CLCNKA: variants seen among roughly 807,000 people sequenced by gnomAD.
CLCNKA encodes the protein chloride channel protein ClC-Ka.
CLCNKA carries 66 observed loss-of-function variants against 83.3 expected under a neutral mutation model. The observed-to-expected ratio is 0.79, with a 90% CI of 0.65 to 0.97. CLCNKA has a LOEUF of 0.97. CLCNKA is among the 50% of genes least tolerant of loss of function. CLCNKA has a pLI of 0.00. For synonymous variants in CLCNKA, 357 were observed against 370.4 expected (o/e 0.96, Z 0.42); for missense variants, 806 against 888.7 (o/e 0.91, Z 1.18).
Position 16,033,702 on chromosome 1 carries a change from A to G in CLCNKA, c.*44A>G, listed in dbSNP as rs1405370123. The G allele has an allele frequency of 6.3e-7, 1 of 1,598,324 alleles. No homozygotes were observed. The highest frequency in any genetic ancestry group is 2.2e-5 in the East Asian group (1 of 44,494). ...AACAGGGCACCCCAGCTGACCTGGTACTGAGGTTGGGCTGAGACCCTGCTT... is the reference window on the plus strand; with the variant it reads ...AACAGGGCACCCCAGCTGACCTGGTGCTGAGGTTGGGCTGAGACCCTGCTT... On this transcript the variant is annotated 3_prime_UTR_variant, in exon 20 of 20. Coordinates refer to ENST00000331433, the MANE Select transcript of CLCNKA (RefSeq NM_004070.4).
chr1:16,022,723 A>G lies in CLCNKA; in HGVS notation c.100+4A>G. 1 of 1,525,706 alleles carries G rather than the reference A, an allele frequency of 6.6e-7. No homozygotes were observed. 94.5% of individuals were successfully genotyped at this position (1,525,706 alleles called of 1,614,324 possible). ...CACATCCGCCGAGCCATCCAAGGTG[A>G]GAGCCAGGTCCTCTTCCCTACCCGC... On this transcript the variant is annotated splice_donor_region_variant and intron_variant, in intron 2 of 19. Coordinates refer to ENST00000331433, the MANE Select transcript of CLCNKA (RefSeq NM_004070.4).
chr1:16,025,913 C>A (rs1304454684), intron 4 of CLCNKA, among the ~76,000 whole-genome samples, 195 bp from the exon 5 acceptor site: 1 of 152,172 alleles, frequency 6.6e-6, no homozygotes, highest in Non-Finnish European at 1.5e-5. Flanking sequence ...CGCCACCATG[C>A]CCGGCTAATT....
Position 16,030,724 on chromosome 1 carries a change from C to A in CLCNKA, c.1622+50C>A, listed in dbSNP as rs769177622. The A allele has an allele frequency of 4.2e-5, 67 of 1,610,818 alleles. 1 individual carries two copies. The Middle Eastern group carries it at 1.0e-3, about 24-fold the overall frequency. ...ACTGAAGGGGGTCACAGTGTTTGGG[C>A]TTGGCTGGGGGTGGAGGGCACCTCC... On this transcript the variant is annotated intron_variant, in intron 15 of 19. Coordinates refer to ENST00000331433, the MANE Select transcript of CLCNKA (RefSeq NM_004070.4).
chr1:16,026,925 G>C, intron 7 of CLCNKA, 150 bp downstream of exon 7: 1 of 1,041,596 alleles, frequency 9.6e-7, no homozygotes, highest in South Asian at 1.5e-5. Context: ...GCCACCCCCC[G>C]GGGGCGGCGG....
rs1184510566 is a variant in CLCNKA, at chr1:16,029,727, G to A, written c.1228-4G>A. Reference sequence around the variant, plus strand: ...CCTCTGCCCTGGGCTCCCCCTTCCTGCAGTTCTGGATGCTGATTCTGGCCA... The same window carrying A: ...CCTCTGCCCTGGGCTCCCCCTTCCTACAGTTCTGGATGCTGATTCTGGCCA... On this transcript the variant is annotated splice_region_variant and splice_polypyrimidine_tract_variant and intron_variant, in intron 12 of 19. Transcript: ENST00000331433. 1.2e-6 allele frequency: 2 copies of A among 1,614,110 alleles called. No individual in the cohort carries two copies. Among genetic ancestry groups the A allele is most frequent in the Non-Finnish European group, 1.7e-6 (2 of 1,180,024 alleles).
Position 16,029,191 on chromosome 1 carries a change from C to T in CLCNKA, c.1119C>T (p.Asn373=), listed in dbSNP as rs1002169783. The T allele has an allele frequency of 1.2e-6, 2 of 1,613,190 alleles. No homozygotes were observed. Among genetic ancestry groups the T allele is most frequent in the Non-Finnish European group, 1.7e-6 (2 of 1,179,872 alleles). The change falls in exon 12 of 20, where the codon AAC becomes AAT. Residue 373 remains asparagine (N), a synonymous_variant. Coordinates refer to ENST00000331433, the MANE Select transcript of CLCNKA (RefSeq NM_004070.4). The stretch of plus-strand genomic sequence containing the variant: ...ACTCCTGGGCGCTGATGACCCAGAA[C>T]TCCAGCCCACCCTGGCCCGAGGAGC... The part of the protein sequence containing the change: ...DNHSWALMTQ[N]SSPPWPEELD...
At chr1:16,028,723 A>T (rs2124042306) in intron 10 of CLCNKA, 38 bp from the exon 11 acceptor site, 1 of 1,610,466 alleles carries the variant, frequency 6.2e-7, no homozygotes, top group East Asian at 2.2e-5. Flanking sequence ...GATGTAGGAA[A>T]GGGAGGGCCA....
chr1:16,022,774 T>C (rs2022189149), intron 2 of CLCNKA, 55 bp downstream of exon 2: 2 of 1,281,804 alleles, frequency 1.6e-6, no homozygotes, highest in African/African-American at 3.0e-5. Context: ...ACATCATTCC[T>C]GCCTGGCTCC....
chr1:16,031,813 G>A lies in CLCNKA; in HGVS notation c.1726G>A (p.Val576Met), dbSNP rs756966218. Residue 576 changes from valine to methionine, a missense_variant, in exon 16 of 20, where the codon GTG becomes ATG. Val to Met is a conservative substitution (Grantham distance 21). Transcript: ENST00000331433. Reference sequence around the variant, plus strand: ...GGTCAAGGTTGTGACCTCCACAGACGTGACCGAGTATCCCCTGGTGGAGAG... The same window carrying A: ...GGTCAAGGTTGTGACCTCCACAGACATGACCGAGTATCCCCTGGTGGAGAG... ...EVVKVVTSTDVTEYPLVESTE... is the reference protein window; with the variant it reads ...EVVKVVTSTDMTEYPLVESTE... 2.7e-5 allele frequency: 44 copies of A among 1,613,840 alleles called. No individual in the cohort carries two copies. The highest frequency in any genetic ancestry group is 1.5e-4 in the Admixed American group (9 of 60,004).
intron 7 of CLCNKA, 106 bp from the exon 8 acceptor site, chr1:16,027,204 G>A: frequency 6.6e-7 from 1 of 1,517,554 alleles, no homozygotes; most frequent in Non-Finnish European, 9.1e-7. Context: ...CCGGGCTGTA[G>A]GACAGCAGGA....
rs774802847 is a variant in CLCNKA, at chr1:16,030,725, T to A, written c.1622+51T>A. 4.2e-5 allele frequency: 67 copies of A among 1,611,008 alleles called. 1 individual carries two copies. The Middle Eastern group carries it at 1.0e-3, about 24-fold the overall frequency. ...CTGAAGGGGGTCACAGTGTTTGGGC[T>A]TGGCTGGGGGTGGAGGGCACCTCCA... On this transcript the variant is annotated intron_variant, in intron 15 of 19. Transcript: ENST00000331433.
At chr1:16,029,060 G>C in intron 11 of CLCNKA, 66 bp from the exon 12 acceptor site, 6 of 1,580,014 alleles carry the variant, frequency 3.8e-6, no homozygotes, top group Non-Finnish European at 3.4e-6. Flanking sequence ...CAGGCGGTGC[G>C]GGGGAGGCTG....
chr1:16,022,699 A>T lies in CLCNKA; in HGVS notation c.80A>T (p.His27Leu), dbSNP rs1036082722. 3.8e-5 allele frequency: 59 copies of T among 1,542,778 alleles called. No homozygotes were observed. The Middle Eastern group carries it at 5.2e-4, about 14-fold the overall frequency. ...TLQELWGPCP[H>L]IRRAIQGGLE... ...CAGGAGCTGTGGGGCCCCTGTCCCC[A>T]CATCCGCCGAGCCATCCAAGGTGAG... Residue 27 changes from histidine to leucine, a missense_variant, in exon 2 of 20, where the codon CAC (histidine) becomes CTC (leucine). By Grantham distance (99) the His-to-Leu change is moderately conservative (BLOSUM62 -3). Coordinates refer to ENST00000331433, the MANE Select transcript of CLCNKA (RefSeq NM_004070.4).
rs1230300763 is a variant in CLCNKA at position 16,032,476 on chromosome 1, C to T, written c.1879C>T (p.Pro627Ser). ...CLQDILARGC[P>S]TEPVTLTLFS... ...CCAGGACATCTTGGCCAGGGGCTGCCCCACGGAACCAGTGACCCTGACGCT... is the reference window on the plus strand; with the variant it reads ...CCAGGACATCTTGGCCAGGGGCTGCTCCACGGAACCAGTGACCCTGACGCT... The change falls in exon 18 of 20, where the codon CCC (proline) becomes TCC (serine). Residue 627 changes from proline to serine, a missense_variant. Transcript: ENST00000331433. 5 of 1,613,300 alleles carry T rather than the reference C, an allele frequency of 3.1e-6. No homozygotes were observed. The South Asian group carries it at 4.4e-5, about 14-fold the overall frequency.
chr1:16,027,448 G>A lies in CLCNKA; in HGVS notation c.781+13G>A, dbSNP rs757002025. The A allele has an allele frequency of 5.6e-6, 9 of 1,613,412 alleles. No homozygotes were observed. Among genetic ancestry groups the A allele is most frequent in the Non-Finnish European group, 7.6e-6 (9 of 1,179,894 alleles). ...AACAGCGAGCAGGGTGAGCCCCCTG[G>A]GCTGCCTGACCCTGGCCCTGCCTGG... is the stretch of plus-strand genomic sequence containing the variant. On this transcript the variant is annotated intron_variant, in intron 8 of 19. Transcript: ENST00000331433.
intron 10 of CLCNKA, chr1:16,028,529 C>G: frequency 1.5e-6 from 1 of 676,808 alleles, no homozygotes; most frequent in Non-Finnish European, 2.7e-6. Context: ...CTCTCAATCT[C>G]CTGCGTGATT....
chr1:16,031,162 G>T (rs187801044), intron 15 of CLCNKA, among the ~76,000 whole-genome samples: 1 of 152,312 alleles, frequency 6.6e-6, no homozygotes, highest in East Asian at 1.9e-4. Flanking sequence ...GACCAAAGAG[G>T]CTCTGAGAGT....
chr1:16,028,480 C>G (rs1016605563), intron 10 of CLCNKA: 5 of 628,868 alleles, frequency 8.0e-6, no homozygotes, highest in African/African-American at 7.2e-5. Context: ...GCCCGGCCCA[C>G]TGTCTCCTCC....
intron 2 of CLCNKA, 104 bp from the exon 3 acceptor site, chr1:16,023,696 A>C: frequency 1.4e-6 from 2 of 1,427,232 alleles, no homozygotes; most frequent in Non-Finnish European, 9.7e-7. Flanking sequence ...CCCCAGACTC[A>C]ACTACCAGGG....
Sources: gnomAD v4.1 joint callset for allele counts (sites outside exome capture counted in the v4.1 genomes callset) on GRCh38, gnomAD v4.1.1 for gene constraint, MANE v1.5 for transcripts, NCBI Gene and HGNC (gene_info 2026-07-23, HGNC 2026-07-21) for gene names.